The following ERGIC2 variants were observed in gnomAD, a reference collection of about 807,000 sequenced individuals.
The protein encoded by ERGIC2 is endoplasmic reticulum-Golgi intermediate compartment protein 2.
Under a neutral mutation model 52.5 loss-of-function variants are expected in ERGIC2, and 31 were observed. The ratio of observed to expected loss-of-function variants is 0.59; its 90% CI spans 0.44 to 0.80. ERGIC2 has a LOEUF of 0.80. Among genes scored for constraint, ERGIC2 ranks in the 30% least tolerant of loss-of-function variants. The pLI, the probability that ERGIC2 is intolerant of heterozygous loss-of-function variation, is 0.00. For synonymous variants in ERGIC2, 129 were observed against 140.6 expected (o/e 0.92, Z 0.58); for missense variants, 395 against 455.2 (o/e 0.87, Z 1.20).
chr12:29,380,185 T>C (rs1239175589), intron 1 of ERGIC2, among the ~76,000 whole-genome samples: 8 of 152,114 alleles, frequency 5.3e-5, no homozygotes, highest in Non-Finnish European at 1.0e-4. Context: ...AACTTAAAGA[T>C]ATCAACAAAC....
At chr12:29,369,274 A>G (rs79218794) in intron 3 of ERGIC2, among the ~76,000 whole-genome samples, 2,336 of 152,062 alleles carry the variant, frequency 0.015, 54 homozygotes, top group African/African-American at 0.053. Context: ...GAAGTATTGC[A>G]TTGGTGCTGA....
chr12:29,349,291 C>T (rs1260998817), intron 9 of ERGIC2, 114 bp from the exon 10 acceptor site: 3 of 474,326 alleles, frequency 6.3e-6, no homozygotes, highest in Non-Finnish European at 1.1e-5. Flanking sequence ...TTAAAATCTT[C>T]AAGGATAATA....
chr12:29,359,830 A>C (rs1232756415), intron 6 of ERGIC2, among the ~76,000 whole-genome samples: 1 of 152,058 alleles, frequency 6.6e-6, no homozygotes, highest in Non-Finnish European at 1.5e-5. Context: ...TTATAAGTGC[A>C]AGACATAACC....
At position 29,349,103 on chromosome 12, in the gene ERGIC2, C is replaced by T. The variant is rs772881586; in HGVS notation, c.703G>A (p.Gly235Arg). The change falls in exon 10 of 14, where the codon GGA becomes AGA. Residue 235 changes from glycine (G) to arginine (R), a missense_variant. Gly to Arg is a moderately radical substitution (Grantham distance 125). Coordinates refer to ENST00000360150, the MANE Select transcript of ERGIC2 (RefSeq NM_016570.3). ...LVPAIINPLDGTEKIAIDHNQ... is the reference protein window; with the variant it reads ...LVPAIINPLDRTEKIAIDHNQ... ...CGATCTATAGCAATTTTTTCAGTTCCATCTAAAGGATTAATAATTGCTGGA... is the reference window on the plus strand; with the variant it reads ...CGATCTATAGCAATTTTTTCAGTTCTATCTAAAGGATTAATAATTGCTGGA... 3 of 1,558,268 alleles carry T rather than the reference C, an allele frequency of 1.9e-6. No homozygotes were observed. Among genetic ancestry groups the T allele is most frequent in the African/African-American group, 1.4e-5 (1 of 71,904 alleles).
At chr12:29,343,061 A>C in intron 12 of ERGIC2, 59 bp downstream of exon 12, 2 of 1,414,366 alleles carry the variant, frequency 1.4e-6, no homozygotes, top group Non-Finnish European at 1.9e-6. Flanking sequence ...TTTGAGAAGA[A>C]GCAACTTAAG....
At chr12:29,345,377 C>A in intron 11 of ERGIC2, 66 bp downstream of exon 11, 2 of 878,692 alleles carry the variant, frequency 2.3e-6, no homozygotes, top group East Asian at 2.5e-5. Context: ...ATTTTGTAGC[C>A]AGGAAACTTT....
At chr12:29,374,470 T>C (rs1176346921) in intron 1 of ERGIC2, among the ~76,000 whole-genome samples, 4 of 152,164 alleles carry the variant, frequency 2.6e-5, no homozygotes, top group Admixed American at 1.3e-4. Flanking sequence ...TCAATCTGCA[T>C]GTTGATTTAT....
intron 4 of ERGIC2, among the ~76,000 whole-genome samples, chr12:29,367,310 A>C (rs956114907): frequency 1.3e-5 from 2 of 151,852 alleles, no homozygotes; most frequent in Non-Finnish European, 2.9e-5. Flanking sequence ...TGGCTGCTGA[A>C]CAAAATATTA....
At position 29,343,291 on chromosome 12, in the gene ERGIC2, G is replaced by C; in HGVS notation, c.826-9C>G. Reference sequence around the variant, plus strand: ...TGGTTAATGATACGTTCCTAAAAGGGAGGCAAAAGGAAGGGGAGAAATAGG... The same window carrying C: ...TGGTTAATGATACGTTCCTAAAAGGCAGGCAAAAGGAAGGGGAGAAATAGG... On this transcript the variant is annotated splice_polypyrimidine_tract_variant and intron_variant, in intron 11 of 13. Transcript: ENST00000360150. The C allele has an allele frequency of 7.7e-6, 12 of 1,565,176 alleles. No homozygotes were observed. Among genetic ancestry groups the C allele is most frequent in the Non-Finnish European group, 1.0e-5 (12 of 1,152,332 alleles).
rs1949836482 is a variant in ERGIC2 at position 29,341,105 on chromosome 12, A to C, written c.*51T>G. 2 of 1,215,540 alleles carry C rather than the reference A, an allele frequency of 1.6e-6. No individual in the cohort carries two copies. Among genetic ancestry groups the C allele is most frequent in the Non-Finnish European group, 2.4e-6 (2 of 843,032 alleles). The allele number at this position is 1,215,540 out of a possible 1,614,324, so 75.3% of individuals were successfully genotyped here. A position where few individuals can be genotyped will look rare whatever the true frequency, so the allele number is the denominator to read the frequency against. On this transcript the variant is annotated 3_prime_UTR_variant, in exon 14 of 14. Transcript: ENST00000360150. ...TATTGCACAATATTTTATTATTAAA[A>C]AAAGGTTTTATGTCTCAGGCAAAAA...
Position 29,371,542 on chromosome 12 carries a change from G to A in ERGIC2, c.92C>T (p.Ala31Val). The A allele has an allele frequency of 6.2e-7, 1 of 1,607,430 alleles. No homozygotes were observed. Among genetic ancestry groups the A allele is most frequent in the Non-Finnish European group, 8.5e-7 (1 of 1,176,608 alleles). ...KVPESYVETS[A>V]SGGTVSLIAF... The stretch of plus-strand genomic sequence containing the variant: ...CTGATACTCACCTGTACCTCCACTG[G>A]CTGAAGTCTCTACATAGCTCTCAGG... The change falls in exon 2 of 14, where the codon GCC (alanine) becomes GTC (valine). Residue 31 changes from alanine to valine, a missense_variant. Coordinates refer to ENST00000360150, the MANE Select transcript of ERGIC2 (RefSeq NM_016570.3).
At chr12:29,345,184 T>C (rs1307264420) in intron 11 of ERGIC2, among the ~76,000 whole-genome samples, 2 of 152,216 alleles carry the variant, frequency 1.3e-5, no homozygotes, top group Non-Finnish European at 2.9e-5. Context: ...CATCACAATT[T>C]AACAATTTTA....
At chr12:29,341,425 GGTAC>G (rs10562525) in intron 13 of ERGIC2, among the ~76,000 whole-genome samples, 152,032 of 152,064 alleles carry the variant, frequency 1, 76,000 homozygotes, top group Middle Eastern at 1. Flanking sequence ...GGAGTGCAGT[GGTAC>G]GTACGATCAT....
rs555887388 is a variant in ERGIC2, at chr12:29,374,403, C to A, written c.-37-2733G>T. On this transcript the variant is annotated intron_variant, in intron 1 of 13. Coordinates refer to ENST00000360150, the MANE Select transcript of ERGIC2 (RefSeq NM_016570.3). ...TTCATCTTTCTCTCAAGATTCTGCACTAGGTCTCCCCCTTAACCTCCACAC... is the reference window on the plus strand; with the variant it reads ...TTCATCTTTCTCTCAAGATTCTGCAATAGGTCTCCCCCTTAACCTCCACAC... Among the ~76,000 whole-genome samples the A allele has an allele frequency of 2.6e-5, 4 of 152,290 alleles. No individual in the cohort carries two copies. In the South Asian group the frequency reaches 8.3e-4, roughly 32 times the overall value.
intron 8 of ERGIC2, among the ~76,000 whole-genome samples, chr12:29,356,086 A>G (rs1940199777): frequency 6.6e-6 from 1 of 151,636 alleles, no homozygotes; most frequent in South Asian, 2.1e-4. Flanking sequence ...CAGTGGCGCG[A>G]TCTCGGCTCA....
chr12:29,358,625 C>T (rs541822414), intron 6 of ERGIC2, among the ~76,000 whole-genome samples: 5 of 152,090 alleles, frequency 3.3e-5, no homozygotes, highest in African/African-American at 1.2e-4. Flanking sequence ...TGTAGCGGGA[C>T]GGGTATATAG....
At chr12:29,353,841 C>T (rs1166208584) in intron 8 of ERGIC2, among the ~76,000 whole-genome samples, 1 of 151,766 alleles carries the variant, frequency 6.6e-6, no homozygotes, top group African/African-American at 2.4e-5. Flanking sequence ...GTACAGATGA[C>T]TGTAGTTATC....
intron 6 of ERGIC2, among the ~76,000 whole-genome samples, chr12:29,360,509 G>A (rs1444820210): frequency 3.4e-5 from 5 of 146,288 alleles, no homozygotes; most frequent in Admixed American, 6.8e-5. Context: ...ATATAAATAT[G>A]ATATATTATA....
intron 10 of ERGIC2, among the ~76,000 whole-genome samples, chr12:29,348,173 A>G (rs1404393615): frequency 6.6e-6 from 1 of 152,162 alleles, no homozygotes; most frequent in Non-Finnish European, 1.5e-5. Flanking sequence ...ACATTCCCAC[A>G]TGAACATAAA....
Sources: gnomAD v4.1 joint callset for allele counts (sites outside exome capture counted in the v4.1 genomes callset) on GRCh38, gnomAD v4.1.1 for gene constraint, MANE v1.5 for transcripts, NCBI Gene and HGNC (gene_info 2026-07-23, HGNC 2026-07-21) for gene names.